The following NBEAL1 variants were observed in gnomAD, a reference collection of about 807,000 sequenced individuals.
The protein encoded by NBEAL1 is neurobeachin-like protein 1.
NBEAL1 carries 273 observed loss-of-function variants against 351.3 expected under a neutral mutation model. The observed-to-expected ratio is 0.78, with a 90% CI of 0.70 to 0.86. The LOEUF (loss-of-function observed/expected upper bound fraction) is 0.86, where lower values mean the gene tolerates loss of function less well. NBEAL1 is among the 40% of genes least tolerant of loss of function. The pLI, the probability that NBEAL1 is intolerant of heterozygous loss-of-function variation, is 0.00. For missense variants in NBEAL1, 2,961 were observed against 3,201.3 expected (o/e 0.92, Z 1.81); for synonymous variants, 1,050 against 1,086.4 (o/e 0.97, Z 0.66).
intron 19 of NBEAL1, among the ~76,000 whole-genome samples, chr2:203,125,128 T>C (rs1354622879): frequency 6.6e-6 from 1 of 152,186 alleles, no homozygotes; most frequent in Non-Finnish European, 1.5e-5. Context: ...AAAATGAAGA[T>C]GGAGTAAAAA....
chr2:203,205,448 A>G (rs762443714), intron 51 of NBEAL1, among the ~76,000 whole-genome samples: 3 of 152,178 alleles, frequency 2.0e-5, no homozygotes, highest in Non-Finnish European at 4.4e-5. Flanking sequence ...ATACAATACC[A>G]TTAGCTAATC....
Position 203,081,146 on chromosome 2 carries a change from A to T in NBEAL1, c.685-2073A>T, listed in dbSNP as rs138987761. On this transcript the variant is annotated intron_variant, in intron 8 of 55. Coordinates refer to ENST00000683969, the MANE Select transcript of NBEAL1 (RefSeq NM_001378026.1). ...GTTTGTTGAATATGGCATTAGTACA[A>T]GGGTGTTTAGAGGAATTGAATATAT... Among the ~76,000 whole-genome samples the T allele has an allele frequency of 9.5e-3, 1,446 of 152,318 alleles. 14 individuals carry two copies. The highest frequency in any genetic ancestry group is 0.033 in the African/African-American group (1,363 of 41,558).
intron 49 of NBEAL1, 50 bp from the exon 50 acceptor site, chr2:203,201,492 CA>C (rs769945113): frequency 1.1e-5 from 15 of 1,351,232 alleles, no homozygotes; most frequent in Non-Finnish European, 7.8e-6. Flanking sequence ...TAGTTCACAT[CA>C]GTATACGTGA....
chr2:203,143,072 T>C (rs572361077), intron 31 of NBEAL1, among the ~76,000 whole-genome samples: 1 of 152,314 alleles, frequency 6.6e-6, no homozygotes, highest in Admixed American at 6.5e-5. Context: ...TCTAATACTT[T>C]TTAATTTTAT....
chr2:203,171,016 C>G (rs2064301769), intron 39 of NBEAL1, among the ~76,000 whole-genome samples: 1 of 152,104 alleles, frequency 6.6e-6, no homozygotes, highest in Non-Finnish European at 1.5e-5. Context: ...GTTGTAATCC[C>G]AGCACTAAGG....
chr2:203,070,361 T>G (rs868333314), intron 7 of NBEAL1, among the ~76,000 whole-genome samples: 1 of 36,800 alleles, frequency 2.7e-5, no homozygotes, highest in Non-Finnish European at 8.8e-5. Flanking sequence ...CTCTCTCTCT[T>G]TTTTTTTTTT....
intron 4 of NBEAL1, 85 bp downstream of exon 4, chr2:203,050,060 C>G: frequency 7.9e-7 from 1 of 1,267,044 alleles, no homozygotes; most frequent in South Asian, 1.4e-5. Flanking sequence ...AGGGGAACAT[C>G]ACACACTGGG....
intron 42 of NBEAL1, among the ~76,000 whole-genome samples, chr2:203,175,830 C>T (rs1164231983): frequency 6.6e-6 from 1 of 152,160 alleles, no homozygotes; most frequent in Admixed American, 6.5e-5. Context: ...CCTATTTATA[C>T]ATTTTTGTCT....
At chr2:203,048,787 C>T (rs1368485711) in intron 3 of NBEAL1, among the ~76,000 whole-genome samples, 1 of 151,994 alleles carries the variant, frequency 6.6e-6, no homozygotes, top group Admixed American at 6.6e-5. Context: ...CTTAAAGAAC[C>T]ATATAGTCTT....
chr2:203,148,074 T>C (rs1240781850), intron 33 of NBEAL1, among the ~76,000 whole-genome samples: 1 of 152,046 alleles, frequency 6.6e-6, no homozygotes, highest in African/African-American at 2.4e-5. Context: ...TTTAGTAACA[T>C]TGTATTCCAA....
intron 18 of NBEAL1, among the ~76,000 whole-genome samples, chr2:203,117,560 T>G (rs1428715158): frequency 6.6e-6 from 1 of 152,264 alleles, no homozygotes; most frequent in East Asian, 1.9e-4. Flanking sequence ...TGCTACTTCT[T>G]TTCTTCCTCC....
chr2:203,016,345 T>C lies in NBEAL1; in HGVS notation c.-40T>C. 2 of 1,414,842 alleles carry C rather than the reference T, an allele frequency of 1.4e-6. No homozygotes were observed. The highest frequency in any genetic ancestry group is 1.9e-6 in the Non-Finnish European group (2 of 1,054,994). 87.6% of individuals were successfully genotyped at this position (1,414,842 alleles called of 1,614,324 possible). On this transcript the variant is annotated 5_prime_UTR_variant, in exon 2 of 56. Coordinates refer to ENST00000683969, the MANE Select transcript of NBEAL1 (RefSeq NM_001378026.1). ...GACATGCTGTAGTCTTGAACATAAT[T>C]TTTTTAAGGAAAACTTAAAGTGCCA...
chr2:203,142,409 G>C (rs1452456254), intron 31 of NBEAL1, among the ~76,000 whole-genome samples: 1 of 152,128 alleles, frequency 6.6e-6, no homozygotes, highest in Non-Finnish European at 1.5e-5. Context: ...GCCCGCCTCA[G>C]CCTCCCAAAG....
At position 203,068,406 on chromosome 2, in the gene NBEAL1, A is replaced by G. The variant is rs1319333630; in HGVS notation, c.529A>G (p.Thr177Ala). 6.5e-7 allele frequency: 1 copy of G among 1,545,184 alleles called. No individual in the cohort carries two copies. The highest frequency in any genetic ancestry group is 1.2e-5 in the South Asian group (1 of 83,302). ...RHRISGRILS[T>A]VEKSRQKYKP... ...TTTTAATGATAGACGAATCCTTAGT[A>G]CTGTGGAAAAGAGCAGACAGAAATA... The change falls in exon 7 of 56, where the codon ACT (threonine) becomes GCT (alanine). Residue 177 changes from threonine to alanine, a missense_variant. Transcript: ENST00000683969.
chr2:203,026,124 T>C (rs1215862254), intron 2 of NBEAL1, among the ~76,000 whole-genome samples: 1 of 152,246 alleles, frequency 6.6e-6, no homozygotes, highest in Non-Finnish European at 1.5e-5. Flanking sequence ...TATACTTGTC[T>C]TGCTCCTCAT....
intron 20 of NBEAL1, among the ~76,000 whole-genome samples, 162 bp from the exon 21 acceptor site, chr2:203,125,798 T>C (rs2062924017): frequency 6.6e-6 from 1 of 152,130 alleles, no homozygotes. Context: ...TATACAATAT[T>C]ATAGTTGCTG....
intron 5 of NBEAL1, 46 bp downstream of exon 5, chr2:203,056,554 G>T (rs1215150901): frequency 9.4e-7 from 1 of 1,065,038 alleles, no homozygotes; most frequent in African/African-American, 1.6e-5. Context: ...AGAACAACTA[G>T]GTTTTACTTT....
At chr2:203,092,011 T>C (rs1231943571) in intron 10 of NBEAL1, among the ~76,000 whole-genome samples, 2 of 152,234 alleles carry the variant, frequency 1.3e-5, no homozygotes, top group Non-Finnish European at 2.9e-5. Context: ...AACTACACCC[T>C]GCTAGTAGGA....
chr2:203,215,282 C>T (rs1399158228), intron 55 of NBEAL1, among the ~76,000 whole-genome samples: 3 of 151,904 alleles, frequency 2.0e-5, no homozygotes, highest in Non-Finnish European at 2.9e-5. Context: ...GGGCGGATCA[C>T]GAGGTCAAGA....
Sources: allele counts gnomAD v4.1 joint callset (sites outside exome capture counted in the v4.1 genomes callset), GRCh38; gene constraint gnomAD v4.1.1; transcripts MANE v1.5; gene names NCBI Gene and HGNC (gene_info 2026-07-23, HGNC 2026-07-21).